Variants in GDPD5 observed in about 807,000 individuals in gnomAD.
GDPD5 encodes glycerophosphodiester phosphodiesterase domain containing 5.
A neutral mutation model predicts 75.1 loss-of-function variants in GDPD5; 48 were observed. That is an observed-to-expected ratio of 0.64 (90% CI 0.51 to 0.81). The LOEUF is 0.81. GDPD5 is among the 40% of genes least tolerant of loss of function. The probability of loss-of-function intolerance (pLI) is 0.00; values close to 1 mark genes in which losing one functional copy is unlikely to be tolerated. For synonymous variants in GDPD5, 336 were observed against 339.0 expected (o/e 0.99, Z 0.10); for missense variants, 706 against 822.6 (o/e 0.86, Z 1.73).
At chr11:75,467,941 C>T (rs1202366329) in intron 3 of GDPD5, among the ~76,000 whole-genome samples, 2 of 152,202 alleles carry the variant, frequency 1.3e-5, no homozygotes, top group Non-Finnish European at 2.9e-5. Context: ...TCCTGTTCCT[C>T]CCACCCCAGA....
At chr11:75,523,694 T>C (rs1192470374) in intron 1 of GDPD5, among the ~76,000 whole-genome samples, 1 of 152,092 alleles carries the variant, frequency 6.6e-6, no homozygotes, top group Non-Finnish European at 1.5e-5. Flanking sequence ...AGGTGTGAAA[T>C]TATTTCATCA....
chr11:75,441,978 G>A (rs540670182), intron 12 of GDPD5, among the ~76,000 whole-genome samples, 175 bp from the exon 13 acceptor site: 4 of 152,218 alleles, frequency 2.6e-5, no homozygotes, highest in South Asian at 2.1e-4. Context: ...AAGTGCACTG[G>A]CAGCAACTCA....
rs748860178 is a variant in GDPD5 at position 75,514,487 on chromosome 11, G to A, written c.-145+10723C>T. The stretch of plus-strand genomic sequence containing the variant: ...GCCCAGCCCAGGGCTCTCTGCACGG[G>A]CCCAAAGTCACCCCTTTTGGAGCAT... On this transcript the variant is annotated intron_variant, in intron 1 of 16. Coordinates refer to ENST00000336898, the MANE Select transcript of GDPD5 (RefSeq NM_030792.8). 1.1e-3 allele frequency among the ~76,000 whole-genome samples: 163 copies of A among 152,374 alleles called. 1 individual carries two copies. Among genetic ancestry groups the A allele is most frequent in the Non-Finnish European group, 4.4e-4 (30 of 68,040 alleles).
chr11:75,446,019 C>CT (rs1948978039), intron 9 of GDPD5, among the ~76,000 whole-genome samples: 1 of 152,204 alleles, frequency 6.6e-6, no homozygotes, highest in Admixed American at 6.5e-5. Context: ...GTGTGAGGCA[C>CT]TCCCAGGGGA....
chr11:75,442,719 T>C (rs1296390748), intron 11 of GDPD5, 138 bp from the exon 12 acceptor site: 2 of 727,814 alleles, frequency 2.7e-6, no homozygotes, highest in African/African-American at 1.8e-5. Context: ...GCTGTGGCCA[T>C]GTGGAGGCTG....
intron 2 of GDPD5, among the ~76,000 whole-genome samples, chr11:75,488,249 T>G (rs1950051074): frequency 6.6e-6 from 1 of 151,976 alleles, no homozygotes; most frequent in African/African-American, 2.4e-5. Context: ...CACTGACAGG[T>G]TCTCTGGGGA....
intron 1 of GDPD5, among the ~76,000 whole-genome samples, chr11:75,515,547 C>CA (rs1950620666): frequency 6.6e-6 from 1 of 152,232 alleles, no homozygotes; most frequent in Non-Finnish European, 1.5e-5. Context: ...CCTCTGAACT[C>CA]AGAGTGGCAT....
chr11:75,503,241 G>A (rs1321951136), intron 1 of GDPD5, among the ~76,000 whole-genome samples: 2 of 152,068 alleles, frequency 1.3e-5, no homozygotes, highest in African/African-American at 2.4e-5. Context: ...GGCTGGTCTC[G>A]AACTCCTGAC....
chr11:75,455,301 C>A (rs1341136564), intron 6 of GDPD5: 1 of 455,426 alleles, frequency 2.2e-6, no homozygotes, highest in South Asian at 1.5e-5. Flanking sequence ...GCCAGCTTTG[C>A]AGCCAGGAGA....
chr11:75,448,575 G>T, intron 9 of GDPD5: 1 of 995,844 alleles, frequency 1.0e-6, no homozygotes, highest in Non-Finnish European at 1.2e-6. Context: ...TCCAACTCAC[G>T]TCGGTTCAGC....
intron 1 of GDPD5, chr11:75,508,050 T>A (rs1592152276): frequency 6.6e-6 from 1 of 151,948 alleles, no homozygotes; most frequent in South Asian, 2.1e-4. Flanking sequence ...ACTTGTTCCC[T>A]CCATTTTATA....
intron 1 of GDPD5, among the ~76,000 whole-genome samples, chr11:75,503,773 C>T (rs1389533231): frequency 6.6e-6 from 1 of 152,206 alleles, no homozygotes; most frequent in Non-Finnish European, 1.5e-5. Context: ...TGTCCACAGC[C>T]CTGGGGAAAG....
At chr11:75,491,191 A>AG (rs2135418813) in intron 1 of GDPD5, among the ~76,000 whole-genome samples, 1 of 152,350 alleles carries the variant, frequency 6.6e-6, no homozygotes, top group African/African-American at 2.4e-5. Context: ...AGCTGGACTC[A>AG]GAGACAGCTC....
intron 1 of GDPD5, among the ~76,000 whole-genome samples, chr11:75,515,073 C>T (rs1410737455): frequency 6.6e-6 from 1 of 152,226 alleles, no homozygotes; most frequent in Non-Finnish European, 1.5e-5. Context: ...CCTCCCTTCT[C>T]AGGAAGTCTC....
At position 75,450,340 on chromosome 11, in the gene GDPD5, C is replaced by T. The variant is rs549910941; in HGVS notation, c.376-357G>A. On this transcript the variant is annotated intron_variant, in intron 6 of 16. Transcript: ENST00000336898. The stretch of plus-strand genomic sequence containing the variant: ...CTGGCAGGTTAGTCACATCCAAGGT[C>T]CCGCCCAGCCTCCCTGCCACCTCAG... 25 of 328,180 alleles carry T rather than the reference C, an allele frequency of 7.6e-5. No homozygotes were observed. The Admixed American group carries it at 1.0e-3, about 13-fold the overall frequency. The allele number at this position is 328,180 out of a possible 1,614,324, so 20.3% of individuals were successfully genotyped here. A position where few individuals can be genotyped will look rare whatever the true frequency, so the allele number is the denominator to read the frequency against.
rs780066269 is a variant in GDPD5 at position 75,441,298 on chromosome 11, G to A, written c.1338C>T (p.Ser446=). 1.2e-6 allele frequency: 2 copies of A among 1,614,158 alleles called. No individual in the cohort carries two copies. The highest frequency in any genetic ancestry group is 1.7e-6 in the Non-Finnish European group (2 of 1,180,040). ...VSRQELRDYA[S]WNLSVNLYTV... is the part of the protein sequence containing the mutation. ...TGTAGAGGTTCACACTCAGGTTCCA[G>A]GACGCGTAGTCCCTGTGGGGCAGGG... The change falls in exon 14 of 17, where the codon TCC becomes TCT. Residue 446 remains serine (S), a synonymous_variant. Coordinates refer to ENST00000336898, the MANE Select transcript of GDPD5 (RefSeq NM_030792.8).
At position 75,441,712 on chromosome 11, in the gene GDPD5, C is replaced by G. The variant is rs1163759008; in HGVS notation, c.1259G>C (p.Ser420Thr). ...QTSGSKEAVA[S>T]LRRGHIQRLN... ...CCGCTGGATGTGGCCTCTCCGCAGGCTGGCGACTGCCTCCTTGGAGCCTGA... is the reference window on the plus strand; with the variant it reads ...CCGCTGGATGTGGCCTCTCCGCAGGGTGGCGACTGCCTCCTTGGAGCCTGA... Residue 420 changes from serine to threonine, a missense_variant, in exon 13 of 17, where the codon AGC (serine) becomes ACC (threonine). Ser to Thr is a moderately conservative substitution (Grantham distance 58). Coordinates refer to ENST00000336898, the MANE Select transcript of GDPD5 (RefSeq NM_030792.8). 2 of 1,611,066 alleles carry G rather than the reference C, an allele frequency of 1.2e-6. No homozygotes were observed. The highest frequency in any genetic ancestry group is 3.3e-5 in the Admixed American group (2 of 59,974).
Position 75,435,480 on chromosome 11 carries a change from G to A in GDPD5, c.*27C>T, listed in dbSNP as rs906047811. On this transcript the variant is annotated 3_prime_UTR_variant, in exon 17 of 17. Transcript: ENST00000336898. ...CTAGGCTCCCCAGCTTCTGTGTCAGGTACAGGTGGGACAGACATGTCTTCA... is the reference window on the plus strand; with the variant it reads ...CTAGGCTCCCCAGCTTCTGTGTCAGATACAGGTGGGACAGACATGTCTTCA... The A allele has an allele frequency of 1.3e-6, 2 of 1,560,012 alleles. No individual in the cohort carries two copies. The highest frequency in any genetic ancestry group is 1.7e-6 in the Non-Finnish European group (2 of 1,151,930).
At chr11:75,457,183 A>G (rs1949302822) in intron 5 of GDPD5, among the ~76,000 whole-genome samples, 1 of 152,240 alleles carries the variant, frequency 6.6e-6, no homozygotes, top group African/African-American at 2.4e-5. Context: ...CCAGTCCAGC[A>G]TGGGGGATCC....
Sources: allele counts gnomAD v4.1 joint callset (sites outside exome capture counted in the v4.1 genomes callset), GRCh38; gene constraint gnomAD v4.1.1; transcripts MANE v1.5; gene names NCBI Gene and HGNC (gene_info 2026-07-23, HGNC 2026-07-21).